The following ZFYVE1 variants were observed in gnomAD, a reference collection of about 807,000 sequenced individuals.
ZFYVE1 encodes zinc finger FYVE-type containing 1, also known as zinc finger FYVE domain-containing protein 1.
Under a neutral mutation model 74.4 loss-of-function variants are expected in ZFYVE1, and 30 were observed. The ratio of observed to expected loss-of-function variants is 0.40; its 90% CI spans 0.30 to 0.55. ZFYVE1 has a LOEUF of 0.55. Among genes scored for constraint, ZFYVE1 ranks in the 20% least tolerant of loss-of-function variants. ZFYVE1 has a pLI of 0.42. For missense variants in ZFYVE1, 703 were observed against 1,011.6 expected, an observed-to-expected ratio of 0.69 and a Z score of 4.14; for synonymous variants, 335 against 385.1, an observed-to-expected ratio of 0.87 and a Z score of 1.52.
In ZFYVE1 at chr14:72,975,828, A is replaced by T; in HGVS notation, c.1636-107T>A. The T allele has an allele frequency of 7.6e-7, 1 of 1,314,176 alleles. No individual in the cohort carries two copies. The highest frequency in any genetic ancestry group is 2.3e-5 in the East Asian group (1 of 42,734). 81.4% of individuals were successfully genotyped at this position (1,314,176 alleles called of 1,614,324 possible). ...CACTCACCGTGGCCAACTCAGAACCACTAACTCCCTGGCAGGGAAGAACGG... is the reference window on the plus strand; with the variant it reads ...CACTCACCGTGGCCAACTCAGAACCTCTAACTCCCTGGCAGGGAAGAACGG... On this transcript the variant is annotated intron_variant, in intron 8 of 11. Transcript: ENST00000556143. This position sits in a 1 kb window ranked among gnomAD's most constrained non-coding sequence, Gnocchi z 4.1.
At chr14:73,013,631 G>C (rs1442069880) in intron 2 of ZFYVE1, among the ~76,000 whole-genome samples, 1 of 151,756 alleles carries the variant, frequency 6.6e-6, no homozygotes, top group East Asian at 1.9e-4. Flanking sequence ...AGAAAAGAAG[G>C]GGAAAATGAA....
intron 3 of ZFYVE1, among the ~76,000 whole-genome samples, chr14:72,996,219 T>G (rs535335448): frequency 3.7e-4 from 56 of 151,964 alleles, no homozygotes; most frequent in African/African-American, 1.3e-3. Flanking sequence ...CATTTAGGAG[T>G]TTGGATTTTG....
At chr14:72,984,027 G>C (rs1286271395) in intron 4 of ZFYVE1, among the ~76,000 whole-genome samples, 2 of 152,172 alleles carry the variant, frequency 1.3e-5, no homozygotes, top group Non-Finnish European at 2.9e-5. Context: ...TGTAGGACCA[G>C]AATAGTGGCA....
chr14:72,970,480 G>A lies in ZFYVE1; in HGVS notation c.*402C>T, dbSNP rs1328094211. ...CACGTGGTGGCCATGGACCTGGCTC[G>A]GCTCATGAGGAAGACGTGCTGCCAC... On this transcript the variant is annotated 3_prime_UTR_variant, in exon 12 of 12. Transcript: ENST00000556143. 1.5e-5 allele frequency: 3 copies of A among 197,996 alleles called. No individual in the cohort carries two copies. Among genetic ancestry groups the A allele is most frequent in the African/African-American group, 2.3e-5 (1 of 42,918 alleles). 12.3% of individuals were successfully genotyped at this position (197,996 alleles called of 1,614,324 possible).
At position 72,986,961 on chromosome 14, in the gene ZFYVE1, G is replaced by A. The variant is rs200224440; in HGVS notation, c.1204-5066C>T. On this transcript the variant is annotated intron_variant, in intron 4 of 11. Coordinates refer to ENST00000556143, the MANE Select transcript of ZFYVE1 (RefSeq NM_021260.4). ...CCCAAAGCTAGAAGAGAAAGGCAGG[G>A]AAGGGCCCACCTACCCCAAGAAAGC... is the stretch of plus-strand genomic sequence containing the variant. 1.4e-5 allele frequency: 14 copies of A among 985,408 alleles called. No homozygotes were observed. The East Asian group carries it at 1.6e-3, about 112-fold the overall frequency. The allele number at this position is 985,408 out of a possible 1,614,324, so 61.0% of individuals were successfully genotyped here.
intron 5 of ZFYVE1, 51 bp from the exon 6 acceptor site, chr14:72,979,020 A>G: frequency 6.6e-7 from 1 of 1,522,924 alleles, no homozygotes; most frequent in Non-Finnish European, 9.1e-7. Context: ...AGCCAGTGCC[A>G]CTTACACAGA....
At position 73,027,054 on chromosome 14, in the gene ZFYVE1, G is replaced by A; in HGVS notation, c.-563C>T. The stretch of plus-strand genomic sequence containing the variant: ...ATCTCCGCCACCCTCCTCCTTCGTT[G>A]CCTCCCGGGCTTCCTCCTCTCCTGT... On this transcript the variant is annotated 5_prime_UTR_variant, in exon 1 of 12. Transcript: ENST00000556143. 2.5e-6 allele frequency: 1 copy of A among 399,362 alleles called. No homozygotes were observed. Among genetic ancestry groups the A allele is most frequent in the Non-Finnish European group, 4.4e-6 (1 of 226,664 alleles). The allele number at this position is 399,362 out of a possible 1,614,324, so 24.7% of individuals were successfully genotyped here.
Position 72,975,803 on chromosome 14 carries a change from C to T in ZFYVE1, c.1636-82G>A. 1 of 1,527,374 alleles carries T rather than the reference C, an allele frequency of 6.5e-7. No individual in the cohort carries two copies. Among genetic ancestry groups the T allele is most frequent in the Non-Finnish European group, 8.9e-7 (1 of 1,123,708 alleles). The allele number at this position is 1,527,374 out of a possible 1,614,324, so 94.6% of individuals were successfully genotyped here. A position where few individuals can be genotyped will look rare whatever the true frequency, so the allele number is the denominator to read the frequency against. On this transcript the variant is annotated intron_variant, in intron 8 of 11. Transcript: ENST00000556143. This position sits in a 1 kb window ranked among gnomAD's most constrained non-coding sequence, Gnocchi z 4.1. ...GAAGAGGGATGTTTGGTGAGTTGCA[C>T]ACTCACCGTGGCCAACTCAGAACCA...
In ZFYVE1 at chr14:72,970,865, C is replaced by CG; in HGVS notation, c.*16dup. The CG allele has an allele frequency of 6.2e-7, 1 of 1,612,726 alleles. No individual in the cohort carries two copies. Among genetic ancestry groups the CG allele is most frequent in the East Asian group, 2.2e-5 (1 of 44,854 alleles). On this transcript the variant is annotated 3_prime_UTR_variant, in exon 12 of 12. Coordinates refer to ENST00000556143, the MANE Select transcript of ZFYVE1 (RefSeq NM_021260.4). ...AGAACCTAAGGAATTGTGAAGGACT[C>CG]GGAGAGGGGGCTGGGGTTAAAGGTC...
intron 2 of ZFYVE1, among the ~76,000 whole-genome samples, chr14:73,001,972 A>C (rs183033643): frequency 6.6e-6 from 1 of 152,302 alleles, no homozygotes; most frequent in Admixed American, 6.5e-5. Flanking sequence ...AAGAAAAAGA[A>C]AGAATACAAA....
intron 1 of ZFYVE1, among the ~76,000 whole-genome samples, chr14:73,025,162 G>A (rs547251280): frequency 4.0e-5 from 6 of 150,752 alleles, no homozygotes; most frequent in South Asian, 2.1e-4. Flanking sequence ...TCCGCCTCCC[G>A]GGTTCAAGCG....
rs189161698 is a variant in ZFYVE1, at chr14:73,023,651, C to T, written c.483+375G>A. ...TACTCACAGCTTGCCAGGGTGCTCT[C>T]ATTCTGAAATGTTTTAAATCAGTTT... On this transcript the variant is annotated intron_variant, in intron 2 of 11. Coordinates refer to ENST00000556143, the MANE Select transcript of ZFYVE1 (RefSeq NM_021260.4). Among the ~76,000 whole-genome samples, 14 of 151,816 alleles carry T rather than the reference C, an allele frequency of 9.2e-5. No homozygotes were observed. In the East Asian group the frequency reaches 2.7e-3, roughly 29 times the overall value.
rs570936776 is a variant in ZFYVE1 at position 73,017,944 on chromosome 14, G to A, written c.483+6082C>T. ...TAAAATCCACTTACTTCTACAGCCTGCACGGCCTCCCATGCATTGGCACCT... is the reference window on the plus strand; with the variant it reads ...TAAAATCCACTTACTTCTACAGCCTACACGGCCTCCCATGCATTGGCACCT... On this transcript the variant is annotated intron_variant, in intron 2 of 11. Coordinates refer to ENST00000556143, the MANE Select transcript of ZFYVE1 (RefSeq NM_021260.4). Among the ~76,000 whole-genome samples, 3 of 152,244 alleles carry A rather than the reference G, an allele frequency of 2.0e-5. No homozygotes were observed. In the South Asian group the frequency reaches 6.2e-4, roughly 32 times the overall value.
At chr14:73,020,001 A>C (rs980204434) in intron 2 of ZFYVE1, among the ~76,000 whole-genome samples, 1 of 152,134 alleles carries the variant, frequency 6.6e-6, no homozygotes, top group Non-Finnish European at 1.5e-5. Flanking sequence ...TCACATCTGT[A>C]ATCCTAGCAC....
intron 3 of ZFYVE1, among the ~76,000 whole-genome samples, chr14:72,994,322 C>CAAAAAA (rs71109776): frequency 0.1 from 3,126 of 31,130 alleles, 529 homozygotes; most frequent in South Asian, 0.15. Context: ...GACGCTGTCT[C>CAAAAAA]AAAAAAAAAA....
rs1893393683 is a variant in ZFYVE1, at chr14:72,983,398, G to A, written c.1204-1503C>T. 2.4e-5 allele frequency among the ~76,000 whole-genome samples: 3 copies of A among 126,966 alleles called. No individual in the cohort carries two copies. In the South Asian group the frequency reaches 7.3e-4, roughly 31 times the overall value. The allele number at this position is 126,966 out of a possible 152,430, so 83.3% of individuals were successfully genotyped here. On this transcript the variant is annotated intron_variant, in intron 4 of 11. Coordinates refer to ENST00000556143, the MANE Select transcript of ZFYVE1 (RefSeq NM_021260.4). ...GATGTGTGATGTTCCCCCCCTTCCT[G>A]TGTCCAAGTGTTCTCATTGTTCAAT...
chr14:73,016,406 G>C (rs942013666), intron 2 of ZFYVE1, among the ~76,000 whole-genome samples: 1 of 152,050 alleles, frequency 6.6e-6, no homozygotes, highest in Non-Finnish European at 1.5e-5. Context: ...AGCTACTCAG[G>C]AGGCTGAGGC....
intron 4 of ZFYVE1, among the ~76,000 whole-genome samples, chr14:72,983,373 G>A (rs1347455697): frequency 2.9e-5 from 3 of 105,104 alleles, no homozygotes; most frequent in African/African-American, 7.7e-5. Context: ...CACAGGCCTC[G>A]ATGTGTGATG....
chr14:72,998,388 G>A, intron 2 of ZFYVE1, 73 bp from the exon 3 acceptor site: 1 of 1,353,250 alleles, frequency 7.4e-7, no homozygotes, highest in Non-Finnish European at 9.8e-7. Context: ...AAGAAGAAGT[G>A]CTTCCCAAGG....
Sources: gnomAD v4.1 joint callset for allele counts (sites outside exome capture counted in the v4.1 genomes callset) on GRCh38, gnomAD v4.1.1 for gene constraint, Gnocchi (gnomAD v3.1) non-coding constraint, MANE v1.5 for transcripts, NCBI Gene and HGNC (gene_info 2026-07-23, HGNC 2026-07-21) for gene names.